The following FAM184A variants were observed in gnomAD, a reference collection of about 807,000 sequenced individuals.
The protein encoded by FAM184A is family with sequence similarity 184 member A.
Under a neutral mutation model 143.8 loss-of-function variants are expected in FAM184A, and 99 were observed. The observed-to-expected ratio is 0.69, with a 90% CI of 0.58 to 0.81. The LOEUF is 0.81. FAM184A is among the 40% of genes least tolerant of loss of function. The pLI is 0.00. For synonymous variants in FAM184A, 427 were observed against 446.4 expected, an observed-to-expected ratio of 0.96 and a Z score of 0.55; for missense variants, 1,217 against 1,310.5, an observed-to-expected ratio of 0.93 and a Z score of 1.10.
chr6:119,110,040 A>C (rs1314173876), intron 1 of FAM184A, among the ~76,000 whole-genome samples: 1 of 152,158 alleles, frequency 6.6e-6, no homozygotes, highest in Admixed American at 6.5e-5. Flanking sequence ...GCGCTGCTTC[A>C]CCTAACATAA....
chr6:119,133,982 A>G (rs1208085751), intron 1 of FAM184A, among the ~76,000 whole-genome samples: 1 of 151,858 alleles, frequency 6.6e-6, no homozygotes, highest in Non-Finnish European at 1.5e-5. Flanking sequence ...ATGCACAGCG[A>G]GTAAGCATTT....
intron 1 of FAM184A, among the ~76,000 whole-genome samples, chr6:119,123,704 G>A (rs925583086): frequency 2.0e-5 from 3 of 152,134 alleles, no homozygotes; most frequent in South Asian, 2.1e-4. Context: ...TCCGTTGGAG[G>A]CTTGGAGTTT....
chr6:119,088,181 A>G (rs1229586082), intron 1 of FAM184A, among the ~76,000 whole-genome samples: 1 of 152,200 alleles, frequency 6.6e-6, no homozygotes, highest in African/African-American at 2.4e-5. Flanking sequence ...TGGTTGTACA[A>G]CAGTGTGCAT....
At chr6:119,071,234 G>A (rs544479269) in intron 1 of FAM184A, among the ~76,000 whole-genome samples, 1 of 152,256 alleles carries the variant, frequency 6.6e-6, no homozygotes, top group South Asian at 2.1e-4. Context: ...TAAACAGATA[G>A]TGAATCAATA....
chr6:119,134,676 G>T (rs1490079773), intron 1 of FAM184A, among the ~76,000 whole-genome samples: 2 of 146,868 alleles, frequency 1.4e-5, no homozygotes, highest in East Asian at 2.0e-4. Flanking sequence ...AAAAGAGAAA[G>T]AAATAAAAAA....
intron 1 of FAM184A, among the ~76,000 whole-genome samples, chr6:119,047,449 G>A (rs559599275): frequency 1.3e-5 from 2 of 152,238 alleles, no homozygotes; most frequent in South Asian, 2.1e-4. Flanking sequence ...TTGCAGCACC[G>A]GTTATAATAG....
intron 1 of FAM184A, among the ~76,000 whole-genome samples, chr6:119,053,929 T>A (rs774825665): frequency 2.0e-5 from 3 of 152,232 alleles, no homozygotes; most frequent in African/African-American, 7.2e-5. Flanking sequence ...AGTCCCAATC[T>A]ACTTCTCAGC....
chr6:119,010,830 C>G (rs563687897), intron 6 of FAM184A, among the ~76,000 whole-genome samples: 10 of 152,086 alleles, frequency 6.6e-5, no homozygotes, highest in African/African-American at 2.4e-4. Flanking sequence ...CTTAACCCAC[C>G]TGGAACTTTG....
intron 1 of FAM184A, among the ~76,000 whole-genome samples, chr6:119,108,128 AGTGT>A (rs57693047): frequency 6.8e-6 from 1 of 147,372 alleles, no homozygotes; most frequent in Non-Finnish European, 1.5e-5. Context: ...AGCACTTGTT[AGTGT>A]GTGTGTGTGT....
chr6:119,147,448 A>G (rs1382002217), intron 1 of FAM184A, among the ~76,000 whole-genome samples: 2 of 152,124 alleles, frequency 1.3e-5, no homozygotes, highest in African/African-American at 4.8e-5. Flanking sequence ...CCCAACCCCC[A>G]CCACCTCTTG....
intron 1 of FAM184A, among the ~76,000 whole-genome samples, chr6:119,050,914 C>T (rs1209814152): frequency 6.6e-6 from 1 of 151,844 alleles, no homozygotes; most frequent in Non-Finnish European, 1.5e-5. Flanking sequence ...AACCAAATAT[C>T]GCAGGTTTTC....
chr6:119,112,826 A>G (rs1276926726), intron 1 of FAM184A, among the ~76,000 whole-genome samples: 1 of 152,250 alleles, frequency 6.6e-6, no homozygotes, highest in Non-Finnish European at 1.5e-5. Context: ...AGGAAAGTTG[A>G]AAAAGGATAG....
chr6:119,074,164 T>G (rs900501716), intron 1 of FAM184A, among the ~76,000 whole-genome samples: 2 of 152,234 alleles, frequency 1.3e-5, no homozygotes, highest in African/African-American at 4.8e-5. Flanking sequence ...GATCACCAGC[T>G]AGCTTCTTCA....
chr6:119,080,432 T>A (rs1582597402), upstream of FAM184A, among the ~76,000 whole-genome samples: 1 of 152,314 alleles, frequency 6.6e-6, no homozygotes, highest in East Asian at 1.9e-4. Flanking sequence ...AAAGGACCCT[T>A]TTCTTAAATA....
At chr6:119,125,865 T>G (rs1361978094) in intron 1 of FAM184A, among the ~76,000 whole-genome samples, 1 of 152,184 alleles carries the variant, frequency 6.6e-6, no homozygotes, top group East Asian at 1.9e-4. Flanking sequence ...CACTCAGAGT[T>G]GTAAAATTTC....
intron 14 of FAM184A, among the ~76,000 whole-genome samples, chr6:118,973,483 T>C (rs974463318): frequency 6.6e-6 from 1 of 152,190 alleles, no homozygotes; most frequent in African/African-American, 2.4e-5. Flanking sequence ...TTGGATGATG[T>C]AGAATAAGGC....
At position 119,078,346 on chromosome 6, in the gene FAM184A, CA is replaced by C; in HGVS notation, c.-48del. ...GGGCACCTGTCCCCGCGGGTGGAGG[CA>C]GGCCCGTGGAGCAACGACGCCCGGG... On this transcript the variant is annotated 5_prime_UTR_variant, in exon 1 of 18. Transcript: ENST00000338891. The surrounding 1 kb of genome is among the most constrained non-coding windows in gnomAD (Gnocchi z 5.5). The C allele has an allele frequency of 7.2e-7, 1 of 1,394,788 alleles. No homozygotes were observed. Among genetic ancestry groups the C allele is most frequent in the Non-Finnish European group, 9.3e-7 (1 of 1,080,900 alleles). 86.4% of individuals were successfully genotyped at this position (1,394,788 alleles called of 1,614,324 possible).
intron 1 of FAM184A, among the ~76,000 whole-genome samples, chr6:119,119,545 A>G (rs180850597): frequency 5.9e-4 from 90 of 152,372 alleles, no homozygotes; most frequent in Non-Finnish European, 9.0e-4. Context: ...ATGAGTTTGT[A>G]ATAAGATGGC....
At chr6:119,059,046 G>A (rs1787120978) in intron 1 of FAM184A, among the ~76,000 whole-genome samples, 1 of 151,944 alleles carries the variant, frequency 6.6e-6, no homozygotes, top group Admixed American at 6.6e-5. Context: ...GCCCAGGCTG[G>A]AGTGCACTGG....
Sources: allele counts gnomAD v4.1 joint callset (sites outside exome capture counted in the v4.1 genomes callset), GRCh38; gene constraint gnomAD v4.1.1; non-coding constraint Gnocchi (gnomAD v3.1); transcripts MANE v1.5; gene names NCBI Gene and HGNC (gene_info 2026-07-23, HGNC 2026-07-21).